The following YWHAE variants were observed in gnomAD, a reference collection of about 807,000 sequenced individuals.
The protein encoded by YWHAE is 14-3-3 protein epsilon.
A neutral mutation model predicts 30.1 loss-of-function variants in YWHAE; 4 were observed. That is an observed-to-expected ratio of 0.13 (90% CI 0.07 to 0.30). YWHAE has a LOEUF of 0.30. YWHAE is among the 10% of genes least tolerant of loss of function. The probability of loss-of-function intolerance (pLI) is 1.00; values close to 1 mark genes in which losing one functional copy is unlikely to be tolerated. For synonymous variants in YWHAE, 118 were observed against 111.8 expected, an observed-to-expected ratio of 1.06 and a Z score of -0.35; for missense variants, 121 against 315.9, an observed-to-expected ratio of 0.38 and a Z score of 4.68.
chr17:1,348,012 T>C, intron 5 of YWHAE: 4 of 1,009,718 alleles, frequency 4.0e-6, no homozygotes, highest in Non-Finnish European at 3.6e-6. Context: ...TAGGAATCTA[T>C]ATTGCAAGGA....
intron 4 of YWHAE, among the ~76,000 whole-genome samples, chr17:1,357,186 G>A (rs1279389016): frequency 1.4e-4 from 21 of 151,434 alleles, no homozygotes; most frequent in African/African-American, 4.4e-4. Flanking sequence ...GGTGGATCAC[G>A]AGGTCAGGAG....
intron 1 of YWHAE, among the ~76,000 whole-genome samples, chr17:1,388,101 G>A (rs138521113): frequency 3.2e-5 from 2 of 62,358 alleles, no homozygotes; most frequent in African/African-American, 7.8e-5. Flanking sequence ...GGTAATTTTT[G>A]TTTTTTTTTT....
chr17:1,395,882 G>A (rs1390640993), intron 1 of YWHAE, among the ~76,000 whole-genome samples: 2 of 152,208 alleles, frequency 1.3e-5, no homozygotes, highest in African/African-American at 2.4e-5. Flanking sequence ...ACTCTGGGAG[G>A]CCGAGGCGGG....
intron 4 of YWHAE, among the ~76,000 whole-genome samples, chr17:1,359,808 ATTG>A (rs907542297): frequency 4.2e-5 from 5 of 119,666 alleles, no homozygotes; most frequent in South Asian, 6.4e-4. Flanking sequence ...GTGCCACTAA[ATTG>A]TTGTGTGTGT....
chr17:1,375,753 T>TCTGGGACACCC (rs2073112540), intron 1 of YWHAE, among the ~76,000 whole-genome samples: 1 of 152,232 alleles, frequency 6.6e-6, no homozygotes, highest in Non-Finnish European at 1.5e-5. Context: ...CCAGCTTGTG[T>TCTGGGACACCC]CTGGGACACC....
chr17:1,365,408 A>G (rs2150853840), intron 1 of YWHAE, among the ~76,000 whole-genome samples: 1 of 152,340 alleles, frequency 6.6e-6, no homozygotes, highest in East Asian at 1.9e-4. Flanking sequence ...GAGAAAGATT[A>G]AGAATTTACA....
intron 1 of YWHAE, among the ~76,000 whole-genome samples, chr17:1,378,775 G>A (rs912338342): frequency 6.6e-5 from 10 of 152,206 alleles, no homozygotes; most frequent in African/African-American, 1.9e-4. Context: ...GTGAAATCCC[G>A]TCTCTACTAA....
In YWHAE at chr17:1,345,203, T is replaced by C; in HGVS notation, c.*244A>G. On this transcript the variant is annotated 3_prime_UTR_variant, in exon 6 of 6. Transcript: ENST00000264335. The stretch of plus-strand genomic sequence containing the variant: ...TGCTGAAAAAGCCTCTATGTAGTCC[T>C]GTTAGTGTCTTAAAGAACCTAAAAG... 1.8e-6 allele frequency: 1 copy of C among 558,734 alleles called. No homozygotes were observed. Among genetic ancestry groups the C allele is most frequent in the Non-Finnish European group, 3.2e-6 (1 of 316,202 alleles). The allele number at this position is 558,734 out of a possible 1,614,324, so 34.6% of individuals were successfully genotyped here.
chr17:1,389,431 T>G (rs1344109143), intron 1 of YWHAE, among the ~76,000 whole-genome samples: 3 of 152,210 alleles, frequency 2.0e-5, no homozygotes, highest in African/African-American at 7.2e-5. Flanking sequence ...ATTATGCCTT[T>G]AGAATCACAT....
chr17:1,386,496 C>A (rs1383702477), intron 1 of YWHAE, among the ~76,000 whole-genome samples: 1 of 152,170 alleles, frequency 6.6e-6, no homozygotes, highest in Non-Finnish European at 1.5e-5. Context: ...GGTACATAGT[C>A]GGCATTCAGT....
At chr17:1,395,940 G>A (rs1048083011) in intron 1 of YWHAE, among the ~76,000 whole-genome samples, 4 of 152,194 alleles carry the variant, frequency 2.6e-5, no homozygotes, top group African/African-American at 7.2e-5. Context: ...CCAACATGGC[G>A]AAACCCCATC....
chr17:1,376,815 G>T (rs17625475), intron 1 of YWHAE, among the ~76,000 whole-genome samples: 11,557 of 152,174 alleles, frequency 0.076, 583 homozygotes, highest in Non-Finnish European at 0.12. Flanking sequence ...GAAATTCAGG[G>T]TCAGGAAAAA....
chr17:1,355,234 G>C (rs989465345), intron 4 of YWHAE, among the ~76,000 whole-genome samples: 16 of 124,636 alleles, frequency 1.3e-4, no homozygotes, highest in African/African-American at 5.1e-4. Context: ...TAGGCTAAAT[G>C]CAAGCTCCGC....
chr17:1,380,817 A>G (rs2073195386), intron 1 of YWHAE, among the ~76,000 whole-genome samples: 1 of 152,182 alleles, frequency 6.6e-6, no homozygotes, highest in African/African-American at 2.4e-5. Flanking sequence ...TAACATATCC[A>G]AAGAACCTCA....
chr17:1,373,795 C>T (rs1389640397), intron 1 of YWHAE, among the ~76,000 whole-genome samples: 1 of 152,112 alleles, frequency 6.6e-6, no homozygotes, highest in African/African-American at 2.4e-5. Context: ...AGAAACCTTC[C>T]ATTTGTTCTG....
chr17:1,363,780 TC>T (rs2072900275), intron 2 of YWHAE, among the ~76,000 whole-genome samples: 1 of 92,380 alleles, frequency 1.1e-5, no homozygotes, highest in Admixed American at 1.3e-4. Flanking sequence ...CACCCTTCCC[TC>T]CCCCAACCAA....
chr17:1,399,067 A>T (rs998471666), intron 1 of YWHAE: 2 of 152,154 alleles, frequency 1.3e-5, no homozygotes, highest in African/African-American at 4.8e-5. Context: ...AAATAACTTT[A>T]TTTCAACAGG....
chr17:1,378,055 A>G (rs1215773504), intron 1 of YWHAE, among the ~76,000 whole-genome samples: 1 of 152,226 alleles, frequency 6.6e-6, no homozygotes, highest in African/African-American at 2.4e-5. Context: ...GTCTCAAAAT[A>G]AAAGTCTCAA....
At chr17:1,351,123 G>C (rs1374765990) in intron 5 of YWHAE, among the ~76,000 whole-genome samples, 1 of 151,964 alleles carries the variant, frequency 6.6e-6, no homozygotes, top group East Asian at 1.9e-4. Context: ...CGCTTTGGGA[G>C]GCCGAGATGG....
Sources: allele counts gnomAD v4.1 joint callset (sites outside exome capture counted in the v4.1 genomes callset), GRCh38; gene constraint gnomAD v4.1.1; transcripts MANE v1.5; gene names NCBI Gene and HGNC (gene_info 2026-07-23, HGNC 2026-07-21).